Variants in DEFB1 observed in about 807,000 individuals in gnomAD.
DEFB1 encodes defensin beta 1.
A neutral mutation model predicts 2.6 loss-of-function variants in DEFB1; 4 were observed. The ratio of observed to expected loss-of-function variants is 1.53; its 90% CI spans 0.76 to 3.51. The LOEUF (loss-of-function observed/expected upper bound fraction) is 3.51. DEFB1 is among the 30% of genes most tolerant of loss of function. The probability of loss-of-function intolerance (pLI) is 0.01; values close to 1 mark genes in which losing one functional copy is unlikely to be tolerated. For missense variants in DEFB1, 162 were observed against 76.9 expected (o/e 2.11, Z -4.14); for synonymous variants, 56 against 28.5 (o/e 1.96, Z -3.07).
At chr8:6,877,373 G>A (rs1806570733) in intron 1 of DEFB1, among the ~76,000 whole-genome samples, 1 of 152,226 alleles carries the variant, frequency 6.6e-6, no homozygotes, top group Non-Finnish European at 1.5e-5. Context: ...GGGTGGGGCG[G>A]CAGCACCTCA....
chr8:6,874,817 A>G (rs1806459903), intron 1 of DEFB1, among the ~76,000 whole-genome samples: 1 of 152,022 alleles, frequency 6.6e-6, no homozygotes, highest in African/African-American at 2.4e-5. Context: ...CCTGCTCTCT[A>G]CTAAAAATAC....
intron 1 of DEFB1, among the ~76,000 whole-genome samples, chr8:6,877,458 A>T (rs1203786153): frequency 6.6e-6 from 1 of 152,220 alleles, no homozygotes; most frequent in East Asian, 1.9e-4. Context: ...CTCTCTGCAT[A>T]GGAAGCTGGC....
chr8:6,874,118 T>C (rs867388816), intron 1 of DEFB1, among the ~76,000 whole-genome samples: 23 of 120,310 alleles, frequency 1.9e-4, no homozygotes, highest in South Asian at 1.2e-3. Context: ...ATATCTGACA[T>C]ACACACACAC....
At chr8:6,872,359 C>T (rs925556885) in intron 1 of DEFB1, among the ~76,000 whole-genome samples, 5 of 152,220 alleles carry the variant, frequency 3.3e-5, no homozygotes. Flanking sequence ...TGCAAGTGCT[C>T]ACGAGCACTA....
At chr8:6,874,981 CA>C (rs34773650) in intron 1 of DEFB1, among the ~76,000 whole-genome samples, 89,189 of 138,850 alleles carry the variant, frequency 0.64, 27,969 homozygotes, top group Admixed American at 0.67. Flanking sequence ...GACTCAGTCT[CA>C]AAAAAAAAAA....
intron 1 of DEFB1, 37 bp downstream of exon 1, chr8:6,877,760 C>G (rs1321725048): frequency 6.3e-7 from 1 of 1,587,612 alleles, no homozygotes; most frequent in East Asian, 2.2e-5. Context: ...GTCCCCAGCC[C>G]TGGGGATGGG....
Position 6,877,847 on chromosome 8 carries a change from G to A in DEFB1, c.11C>T (p.Ser4Phe). 1 of 1,614,038 alleles carries A rather than the reference G, an allele frequency of 6.2e-7. No homozygotes were observed. The highest frequency in any genetic ancestry group is 8.5e-7 in the Non-Finnish European group (1 of 1,179,960). The part of the protein sequence containing the change: MRT[S>F]YLLLFTLCLL... ...GCAGAGAGTAAACAGCAGAAGGTAG[G>A]AAGTTCTCATGGCGACTGGCAGGCA... Residue 4 changes from serine to phenylalanine, a missense_variant, in exon 1 of 2, where the codon TCC becomes TTC. Coordinates refer to ENST00000297439, the MANE Select transcript of DEFB1 (RefSeq NM_005218.4).
At chr8:6,874,536 T>A (rs5743464) in intron 1 of DEFB1, among the ~76,000 whole-genome samples, 124,968 of 151,840 alleles carry the variant, frequency 0.82, 51,612 homozygotes, top group Middle Eastern at 0.89. Flanking sequence ...GTGTAGAGCG[T>A]CTGTAATTAA....
intron 1 of DEFB1, among the ~76,000 whole-genome samples, chr8:6,873,628 C>G (rs538596409): frequency 6.6e-6 from 1 of 152,284 alleles, no homozygotes; most frequent in Admixed American, 6.5e-5. Flanking sequence ...ACCACATGTT[C>G]TCAGTTATAA....
At chr8:6,873,758 C>G (rs2741126) in intron 1 of DEFB1, among the ~76,000 whole-genome samples, 2 of 151,740 alleles carry the variant, frequency 1.3e-5, no homozygotes, top group African/African-American at 4.8e-5. Context: ...CATTCCATTC[C>G]TCAGCATCTG....
Position 6,870,700 on chromosome 8 carries a change from T to C in DEFB1, c.188A>G (p.Lys63Arg). 6.2e-7 allele frequency: 1 copy of C among 1,614,184 alleles called. No homozygotes were observed. Among genetic ancestry groups the C allele is most frequent in the Non-Finnish European group, 8.5e-7 (1 of 1,180,030 alleles). ...TKIQGTCYRG[K>R]AKCCK The stretch of plus-strand genomic sequence containing the variant: ...CCCAGCTCACTTGCAGCACTTGGCC[T>C]TCCCTCTGTAACAGGTGCCTTGAAT... The change falls in exon 2 of 2, where the codon AAG becomes AGG. Residue 63 changes from lysine to arginine, a missense_variant. Physicochemically the swap from Lys to Arg is conservative, Grantham distance 26 (BLOSUM62 2). Coordinates refer to ENST00000297439, the MANE Select transcript of DEFB1 (RefSeq NM_005218.4).
At chr8:6,873,111 T>A (rs1806382770) in intron 1 of DEFB1, among the ~76,000 whole-genome samples, 1 of 152,232 alleles carries the variant, frequency 6.6e-6, no homozygotes. Flanking sequence ...TTAATATGGA[T>A]GTAGCTTTTT....
At chr8:6,877,532 A>G (rs1806576381) in intron 1 of DEFB1, among the ~76,000 whole-genome samples, 1 of 152,198 alleles carries the variant, frequency 6.6e-6, no homozygotes, top group African/African-American at 2.4e-5. Flanking sequence ...GATACTGTCT[A>G]CATGTCCAGG....
intron 1 of DEFB1, among the ~76,000 whole-genome samples, chr8:6,875,810 G>C (rs1426577839): frequency 6.6e-6 from 1 of 152,174 alleles, no homozygotes; most frequent in Non-Finnish European, 1.5e-5. Flanking sequence ...CAATAGAAAT[G>C]TGTGCACAAA....
At position 6,873,376 on chromosome 8, in the gene DEFB1, C is replaced by T. The variant is rs56360004; in HGVS notation, c.62-2550G>A. 9.8e-5 allele frequency among the ~76,000 whole-genome samples: 15 copies of T among 152,302 alleles called. 1 individual carries two copies. In the South Asian group the frequency reaches 3.1e-3, roughly 32 times the overall value. ...TTCCAGGATCTAGTACATTATGGGA[C>T]ACAAAAGGAATTGCAGCAAAGTTAG... On this transcript the variant is annotated intron_variant, in intron 1 of 1. Transcript: ENST00000297439.
At chr8:6,874,979 CTCAAAAAAAAAAAAAGTTGGTTCTGG>C in intron 1 of DEFB1, among the ~76,000 whole-genome samples, 1 of 83,804 alleles carries the variant, frequency 1.2e-5, no homozygotes. Flanking sequence ...GAGACTCAGT[CTCAAAAAAAAAAAAAGTTGGTTCTGG>C]ACAATCAGAT....
At chr8:6,876,844 C>CAAAAAACCAAAAA (rs1563398886) in intron 1 of DEFB1, among the ~76,000 whole-genome samples, 1 of 47,610 alleles carries the variant, frequency 2.1e-5, no homozygotes, top group Admixed American at 1.9e-4. Context: ...AAACCAAAAA[C>CAAAAAACCAAAAA]CAAAAAAAAA....
At chr8:6,871,013 G>A (rs886884681) in intron 1 of DEFB1, among the ~76,000 whole-genome samples, 187 bp from the exon 2 acceptor site, 2 of 152,252 alleles carry the variant, frequency 1.3e-5, no homozygotes, top group Non-Finnish European at 2.9e-5. Context: ...CTCAGTCTGG[G>A]GCTATGCCAG....
At chr8:6,874,810 G>A (rs1043516850) in intron 1 of DEFB1, among the ~76,000 whole-genome samples, 12 of 151,748 alleles carry the variant, frequency 7.9e-5, no homozygotes, top group African/African-American at 2.9e-4. Context: ...GGTGAAACCT[G>A]CTCTCTACTA....
Sources: gnomAD v4.1 joint callset for allele counts (sites outside exome capture counted in the v4.1 genomes callset) on GRCh38, gnomAD v4.1.1 for gene constraint, MANE v1.5 for transcripts, NCBI Gene and HGNC (gene_info 2026-07-23, HGNC 2026-07-21) for gene names.